Variants in CFAP70 observed in about 807,000 individuals in gnomAD.
CFAP70 encodes the protein cilia and flagella associated protein 70.
CFAP70 carries 81 observed loss-of-function variants against 137.6 expected under a neutral mutation model. The observed-to-expected ratio is 0.59, with a 90% CI of 0.49 to 0.71. CFAP70 has a LOEUF of 0.71. Ranked by LOEUF, CFAP70 falls within the 30% of genes least tolerant of loss-of-function variation. The probability of loss-of-function intolerance (pLI) is 0.00; values close to 1 mark genes in which losing one functional copy is unlikely to be tolerated. For missense variants in CFAP70, 976 were observed against 1,226.7 expected, an observed-to-expected ratio of 0.80 and a Z score of 3.05; for synonymous variants, 382 against 423.6, an observed-to-expected ratio of 0.90 and a Z score of 1.20.
chr10:73,317,893 C>T (rs149521844), intron 9 of CFAP70, among the ~76,000 whole-genome samples: 46 of 151,044 alleles, frequency 3.0e-4, no homozygotes, highest in Non-Finnish European at 5.3e-4. Context: ...TCATAAATGG[C>T]TTGGTGCTAT....
Position 73,277,497 on chromosome 10 carries a change from G to A in CFAP70, c.2399-136C>T, listed in dbSNP as rs146909794. On this transcript the variant is annotated intron_variant, in intron 20 of 26. Coordinates refer to ENST00000310715, the Ensembl canonical transcript of CFAP70. ...TGGGAGGCCGAGGCAGGCAGATCAC[G>A]AGGTCAGGAGTTCGAGACCATCCTG... 1,315 of 856,240 alleles carry A rather than the reference G, an allele frequency of 1.5e-3. 16 individuals are homozygous for A. The African/African-American group carries it at 0.02, about 13-fold the overall frequency. 53.0% of individuals were successfully genotyped at this position (856,240 alleles called of 1,614,324 possible). A position where few individuals can be genotyped will look rare whatever the true frequency, so the allele number is the denominator to read the frequency against.
chr10:73,331,360 A>C (rs2052059410), intron 7 of CFAP70, 84 bp from the exon 9 acceptor site: 1 of 1,156,006 alleles, frequency 8.7e-7, no homozygotes, highest in South Asian at 1.4e-5. Flanking sequence ...ATTCTCTTTT[A>C]GAAAGTAATA....
intron 22 of CFAP70, chr10:73,274,809 T>C (rs116407482): frequency 3.5e-4 from 182 of 525,104 alleles, no homozygotes; most frequent in African/African-American, 3.3e-3. Flanking sequence ...GATTTCTTTC[T>C]TGCATTCTTC....
At chr10:73,289,653 T>C (rs1223913175) in intron 19 of CFAP70, among the ~76,000 whole-genome samples, 1 of 152,178 alleles carries the variant, frequency 6.6e-6, no homozygotes. Flanking sequence ...GAAAAGATTA[T>C]GTTAGGCCTT....
chr10:73,352,217 T>C (rs892415369), intron 3 of CFAP70, among the ~76,000 whole-genome samples: 4 of 152,178 alleles, frequency 2.6e-5, no homozygotes, highest in African/African-American at 9.7e-5. Context: ...AGGGGACTCA[T>C]TACTAGAGGG....
intron 19 of CFAP70, among the ~76,000 whole-genome samples, chr10:73,281,953 G>A (rs2131820132): frequency 6.6e-6 from 1 of 152,332 alleles, no homozygotes; most frequent in East Asian, 1.9e-4. Flanking sequence ...GGTACTTGTG[G>A]ACATACCGAC....
At chr10:73,298,805 A>C in intron 14 of CFAP70, 102 bp downstream of exon 15, 2 of 1,031,740 alleles carry the variant, frequency 1.9e-6, no homozygotes, top group African/African-American at 1.6e-5. Flanking sequence ...AAGAAAGGTA[A>C]GAGTATAGCT....
At chr10:73,274,478 G>A (rs1471001137) in exon 23 of CFAP70, 1 of 1,613,968 alleles carries the variant, frequency 6.2e-7, no homozygotes, top group South Asian at 1.1e-5. Flanking sequence ...GGAAGATGAA[G>A]TGCATCTCAG....
rs528492178 is a variant in CFAP70, at chr10:73,354,925, A to T, written c.-39-90T>A. On this transcript the variant is annotated intron_variant, in intron 1 of 26. Transcript: ENST00000310715. The stretch of plus-strand genomic sequence containing the variant: ...TCATAACCAATACCAGGGAAAACCT[A>T]AGGAAATGCCATAGTCCAGCACTGT... 4.0e-6 allele frequency: 3 copies of T among 757,172 alleles called. No homozygotes were observed. The East Asian group carries it at 8.1e-5, about 20-fold the overall frequency. 46.9% of individuals were successfully genotyped at this position (757,172 alleles called of 1,614,324 possible). A position where few individuals can be genotyped will look rare whatever the true frequency, so the allele number is the denominator to read the frequency against.
At chr10:73,285,231 T>C (rs1030241604) in intron 19 of CFAP70, among the ~76,000 whole-genome samples, 2 of 152,178 alleles carry the variant, frequency 1.3e-5, no homozygotes, top group African/African-American at 4.8e-5. Flanking sequence ...GGACATGGGC[T>C]ATGAGTCTAG....
exon 27 of CFAP70, chr10:73,253,854 T>TG: frequency 1.5e-6 from 1 of 667,344 alleles, no homozygotes; most frequent in African/African-American, 1.8e-5. Flanking sequence ...AATAAATGAA[T>TG]GGGTCTCTGT....
intron 19 of CFAP70, 86 bp from the exon 21 acceptor site, chr10:73,278,423 T>G (rs2046960750): frequency 9.5e-7 from 1 of 1,055,340 alleles, no homozygotes; most frequent in Admixed American, 2.6e-5. Context: ...TTGCAAAGCA[T>G]AAGAAACATA....
rs771214534 is a variant in CFAP70 at position 73,272,939 on chromosome 10, C to A, written c.2914G>T (p.Ala972Ser). 13 of 1,552,208 alleles carry A rather than the reference C, an allele frequency of 8.4e-6. No individual in the cohort carries two copies. In the African/African-American group the frequency reaches 1.1e-4, roughly 13 times the overall value. ...CTTCATCCTCTTACCCGATAGCAGG[C>A]GATTCCCAGTCCTAGCCAGGTAAGG... The change falls in exon 24 of 27, where the codon GCC (alanine) becomes TCC (serine). Residue 972 changes from alanine to serine, a missense_variant. By Grantham distance (99) the Ala-to-Ser change is moderately conservative. Coordinates refer to ENST00000310715, the Ensembl canonical transcript of CFAP70.
At chr10:73,288,374 A>G (rs1176274863) in intron 19 of CFAP70, among the ~76,000 whole-genome samples, 1 of 152,214 alleles carries the variant, frequency 6.6e-6, no homozygotes, top group African/African-American at 2.4e-5. Flanking sequence ...AGAGAATAGT[A>G]TGTTTATAGA....
chr10:73,336,696 G>A (rs923764269), intron 6 of CFAP70, among the ~76,000 whole-genome samples: 37 of 147,820 alleles, frequency 2.5e-4, no homozygotes, highest in Non-Finnish European at 4.6e-4. Context: ...CCATTCTCCT[G>A]CCTCAGCCTC....
At chr10:73,310,363 C>T in intron 11 of CFAP70, 114 bp from the exon 13 acceptor site, 2 of 593,576 alleles carry the variant, frequency 3.4e-6, no homozygotes, top group Non-Finnish European at 5.8e-6. Flanking sequence ...TATATAACTA[C>T]ATATACAGTG....
intron 7 of CFAP70, among the ~76,000 whole-genome samples, chr10:73,332,565 GTAATCACAGGT>G (rs1292361544): frequency 3.2e-4 from 48 of 152,162 alleles, no homozygotes; most frequent in Non-Finnish European, 1.3e-4. Context: ...TTACTGAGAC[GTAATCACAGGT>G]TATAGAATAC....
In CFAP70 at chr10:73,287,593, C is replaced by T. The variant is rs185623579; in HGVS notation, c.2239+3633G>A. 1.2e-3 allele frequency among the ~76,000 whole-genome samples: 182 copies of T among 152,128 alleles called. 1 individual carries two copies. The highest frequency in any genetic ancestry group is 4.2e-3 in the African/African-American group (176 of 41,514). On this transcript the variant is annotated intron_variant, in intron 19 of 26. Transcript: ENST00000310715. ...GCATGGCCTCAATATGTTTATTACT[C>T]ATACTTTTCTTAGGAAGCTTCTGGA...
At chr10:73,311,885 T>C in exon 11 of CFAP70, 1 of 1,614,024 alleles carries the variant, frequency 6.2e-7, no homozygotes, top group Non-Finnish European at 8.5e-7. Flanking sequence ...AAGGAGTATC[T>C]GAGCTCTGAG....
Sources: allele counts gnomAD v4.1 joint callset (sites outside exome capture counted in the v4.1 genomes callset), GRCh38; gene constraint gnomAD v4.1.1; transcripts MANE v1.5; gene names NCBI Gene and HGNC (gene_info 2026-07-23, HGNC 2026-07-21).